Variants in EXOC4 observed in about 807,000 individuals in gnomAD.
The protein encoded by EXOC4 is SEC8-like 1.
Under a neutral mutation model 107.2 loss-of-function variants are expected in EXOC4, and 71 were observed. The ratio of observed to expected loss-of-function variants is 0.66; its 90% CI spans 0.55 to 0.81. The LOEUF (loss-of-function observed/expected upper bound fraction) is 0.81. EXOC4 is among the 30% of genes least tolerant of loss of function. EXOC4 has a pLI of 0.00. For missense variants in EXOC4, 1,108 were observed against 1,189.6 expected (o/e 0.93, Z 1.01); for synonymous variants, 456 against 441.2 (o/e 1.03, Z -0.42).
At chr7:133,575,401 A>G (rs1801106906) in intron 9 of EXOC4, among the ~76,000 whole-genome samples, 1 of 152,238 alleles carries the variant, frequency 6.6e-6, no homozygotes, top group Non-Finnish European at 1.5e-5. Context: ...TTTTTAGAAC[A>G]CTAACTTTAA....
rs1749818386 is a variant in EXOC4 at position 134,009,027 on chromosome 7, T to C, written c.2687+1192T>C. 2.0e-5 allele frequency among the ~76,000 whole-genome samples: 3 copies of C among 152,176 alleles called. No homozygotes were observed. The South Asian group carries it at 6.2e-4, about 32-fold the overall frequency. ...CATTTGTCTTAACCCCATCTAAACC[T>C]TAATTAGAATATCAAACCTTTGGTG... On this transcript the variant is annotated intron_variant, in intron 17 of 17. Transcript: ENST00000253861.
intron 10 of EXOC4, among the ~76,000 whole-genome samples, chr7:133,734,054 A>T (rs973557076): frequency 6.6e-5 from 10 of 152,222 alleles, no homozygotes; most frequent in African/African-American, 2.2e-4. Flanking sequence ...CTCAGACTTT[A>T]TTTCATTCCT....
intron 11 of EXOC4, among the ~76,000 whole-genome samples, chr7:133,825,672 A>T (rs936267783): frequency 6.6e-6 from 1 of 152,188 alleles, no homozygotes. Flanking sequence ...CATTATGTTC[A>T]TATGAAGAAT....
At chr7:133,854,145 G>T (rs1355039999) in intron 11 of EXOC4, among the ~76,000 whole-genome samples, 3 of 152,024 alleles carry the variant, frequency 2.0e-5, no homozygotes, top group Non-Finnish European at 4.4e-5. Context: ...AGCCCATTTG[G>T]CTGTGGGGAG....
chr7:134,089,631 T>C, the EXOC4 span, among the ~76,000 whole-genome samples: 3 of 152,202 alleles, frequency 2.0e-5, no homozygotes, highest in African/African-American at 7.2e-5. Context: ...CTTTAAATTA[T>C]ACATTTCTTG....
rs1456148198 is a variant in EXOC4 at position 133,516,417 on chromosome 7, TTCTG to T, written c.1417+36280_1417+36283del. On this transcript the variant is annotated intron_variant, in intron 9 of 17. Transcript: ENST00000253861. ...TATTCTGTCTCTAAAAAATTGTCTT[TTCTG>T]GACATTTCATGTAATGGAATCTTAT... Among the ~76,000 whole-genome samples, 46 of 152,274 alleles carry T rather than the reference TTCTG, an allele frequency of 3.0e-4. 1 individual carries two copies. Among genetic ancestry groups the T allele is most frequent in the African/African-American group, 1.1e-3 (45 of 41,562 alleles).
intron 10 of EXOC4, among the ~76,000 whole-genome samples, chr7:133,689,568 G>T (rs1423317183): frequency 6.6e-6 from 1 of 152,144 alleles, no homozygotes; most frequent in Non-Finnish European, 1.5e-5. Flanking sequence ...AGGCCAAGGT[G>T]GTAAAACACG....
chr7:133,851,844 C>T (rs1798245264), intron 11 of EXOC4, among the ~76,000 whole-genome samples: 1 of 152,192 alleles, frequency 6.6e-6, no homozygotes, highest in Non-Finnish European at 1.5e-5. Context: ...CAAACTTCAA[C>T]AGTTCATTCC....
intron 14 of EXOC4, among the ~76,000 whole-genome samples, chr7:133,964,305 A>G (rs1410159449): frequency 6.6e-6 from 1 of 152,008 alleles, no homozygotes; most frequent in Non-Finnish European, 1.5e-5. Context: ...AGAACCAACC[A>G]TATTTTTCTC....
chr7:133,343,903 C>G (rs1180401357), intron 5 of EXOC4, among the ~76,000 whole-genome samples: 2 of 151,772 alleles, frequency 1.3e-5, no homozygotes, highest in African/African-American at 4.8e-5. Flanking sequence ...AGCCTTGAAC[C>G]CTAGGCTCAA....
chr7:133,438,028 T>G (rs1268627964), intron 7 of EXOC4, among the ~76,000 whole-genome samples: 1 of 152,224 alleles, frequency 6.6e-6, no homozygotes, highest in Non-Finnish European at 1.5e-5. Context: ...ATGAATTAAT[T>G]TGCTACCTCT....
the EXOC4 span, among the ~76,000 whole-genome samples, chr7:134,078,556 C>G: frequency 2.0e-5 from 3 of 152,076 alleles, no homozygotes; most frequent in South Asian, 2.1e-4. Context: ...GGCCCAATCA[C>G]CAAAACATGA....
At chr7:133,307,350 A>G (rs1794775959) in intron 4 of EXOC4, among the ~76,000 whole-genome samples, 3 of 152,148 alleles carry the variant, frequency 2.0e-5, no homozygotes, top group African/African-American at 7.2e-5. Context: ...CTCAGCAGAG[A>G]GTGAAGTGGT....
At chr7:133,717,676 C>A (rs1358084549) in intron 10 of EXOC4, among the ~76,000 whole-genome samples, 1 of 152,134 alleles carries the variant, frequency 6.6e-6, no homozygotes, top group East Asian at 1.9e-4. Flanking sequence ...AATATACTTA[C>A]ACACATACAC....
At chr7:133,678,049 A>T (rs761687687) in intron 10 of EXOC4, among the ~76,000 whole-genome samples, 13 of 152,214 alleles carry the variant, frequency 8.5e-5, no homozygotes, top group Non-Finnish European at 1.6e-4. Context: ...AAAAGTATGA[A>T]CTTTATGATA....
At chr7:133,717,510 T>C (rs1266178462) in intron 10 of EXOC4, among the ~76,000 whole-genome samples, 1 of 152,222 alleles carries the variant, frequency 6.6e-6, no homozygotes, top group Non-Finnish European at 1.5e-5. Context: ...ATAAATTTTT[T>C]GAATATATTG....
intron 10 of EXOC4, among the ~76,000 whole-genome samples, chr7:133,774,584 A>G (rs1051531468): frequency 6.6e-6 from 1 of 152,174 alleles, no homozygotes; most frequent in Non-Finnish European, 1.5e-5. Context: ...TGAAGCATAG[A>G]AAGTTCAAGA....
intron 10 of EXOC4, among the ~76,000 whole-genome samples, chr7:133,669,672 T>G (rs1323063231): frequency 6.6e-6 from 1 of 152,232 alleles, no homozygotes; most frequent in Non-Finnish European, 1.5e-5. Flanking sequence ...TAGAAATTTA[T>G]AGTGAAATGC....
chr7:133,484,155 A>G (rs1799221425), intron 9 of EXOC4: 1 of 1,606,568 alleles, frequency 6.2e-7, no homozygotes, highest in African/African-American at 1.3e-5. Context: ...TAGAAATGTG[A>G]CTCAGTCTAA....
Sources: gnomAD v4.1 joint callset for allele counts (sites outside exome capture counted in the v4.1 genomes callset) on GRCh38, gnomAD v4.1.1 for gene constraint, MANE v1.5 for transcripts, NCBI Gene and HGNC (gene_info 2026-07-23, HGNC 2026-07-21) for gene names.